IGDCC3: variants seen among roughly 807,000 people sequenced by gnomAD.
The protein encoded by IGDCC3 is immunoglobulin superfamily DCC subclass member 3, also known as putative neuronal cell adhesion molecule.
A neutral mutation model predicts 72.0 loss-of-function variants in IGDCC3; 47 were observed. The observed-to-expected ratio is 0.65, with a 90% CI of 0.52 to 0.83. The LOEUF is 0.83. Among genes scored for constraint, IGDCC3 ranks in the 40% least tolerant of loss-of-function variants. The probability of loss-of-function intolerance (pLI) is 0.00; values close to 1 mark genes in which losing one functional copy is unlikely to be tolerated. For synonymous variants in IGDCC3, 477 were observed against 472.8 expected, an observed-to-expected ratio of 1.01 and a Z score of -0.11; for missense variants, 1,038 against 1,091.3, an observed-to-expected ratio of 0.95 and a Z score of 0.69.
Position 65,328,586 on chromosome 15 carries a change from C to CTTTT in IGDCC3, c.*319_*322dup. ...ATTCACCTTCCTCTATCTCTCTCCT[C>CTTTT]TTTTTTTTTTTTTTTAAGTTTTGCT... On this transcript the variant is annotated 3_prime_UTR_variant, in exon 14 of 14. Transcript: ENST00000327987. 5.1e-6 allele frequency: 1 copy of CTTTT among 195,150 alleles called. No homozygotes were observed. The highest frequency in any genetic ancestry group is 1.0e-5 in the Non-Finnish European group (1 of 100,136). The allele number at this position is 195,150 out of a possible 1,614,324, so 12.1% of individuals were successfully genotyped here.
intron 2 of IGDCC3, among the ~76,000 whole-genome samples, chr15:65,340,887 C>T (rs998256733): frequency 6.6e-6 from 1 of 152,206 alleles, no homozygotes; most frequent in Admixed American, 6.5e-5. Context: ...CACCACCATG[C>T]CCAGCTAATT....
At chr15:65,343,375 A>G (rs2091098900) in intron 2 of IGDCC3, among the ~76,000 whole-genome samples, 1 of 149,334 alleles carries the variant, frequency 6.7e-6, no homozygotes, top group Admixed American at 6.7e-5. Flanking sequence ...AAGGGAGTAA[A>G]AACTGAATTT....
Position 65,331,570 on chromosome 15 carries a change from G to A in IGDCC3, c.1238C>T (p.Ala413Val), listed in dbSNP as rs1382823883. Residue 413 changes from alanine to valine, a missense_variant, in exon 8 of 14, where the codon GCC (alanine) becomes GTC (valine). Transcript: ENST00000327987. ...CTCAGCCCACAGTACGGTCAGCCTG[G>A]CACTGGCCTGTGATGAGCCCGCACT... ...ENSAGSSQAS[A>V]RLTVLWAEGL... 1.2e-6 allele frequency: 2 copies of A among 1,613,642 alleles called. No individual in the cohort carries two copies. The highest frequency in any genetic ancestry group is 1.7e-6 in the Non-Finnish European group (2 of 1,179,846).
chr15:65,365,956 C>G (rs1450351863), intron 2 of IGDCC3, among the ~76,000 whole-genome samples: 1 of 152,096 alleles, frequency 6.6e-6, no homozygotes, highest in Non-Finnish European at 1.5e-5. Context: ...GCCTGTAATC[C>G]CAGCACTTTG....
intron 7 of IGDCC3, 30 bp from the exon 8 acceptor site, chr15:65,331,689 C>T: frequency 6.4e-7 from 1 of 1,559,394 alleles, no homozygotes; most frequent in South Asian, 1.2e-5. Flanking sequence ...CCTCAGGTTC[C>T]CTCCTCCCTG....
Position 65,330,647 on chromosome 15 carries a change from G to A in IGDCC3, c.1656C>T (p.Gly552=), listed in dbSNP as rs141538048. 110 of 1,613,572 alleles carry A rather than the reference G, an allele frequency of 6.8e-5. No individual in the cohort carries two copies. The African/African-American group carries it at 9.3e-4, about 14-fold the overall frequency. ...EPWPRLAQHE[G]GFKLFYRPAS... is the part of the protein sequence containing the mutation. ...CTGGGCGGTAAAACAGCTTGAAGCC[G>A]CCCTCGTGCTGGGCCAGCCGGGGCC... Residue 552 remains glycine, a synonymous_variant, in exon 10 of 14, where the codon GGC becomes GGT. Coordinates refer to ENST00000327987, the MANE Select transcript of IGDCC3 (RefSeq NM_004884.4).
chr15:65,367,066 G>A (rs1264807451), intron 2 of IGDCC3, among the ~76,000 whole-genome samples: 1 of 152,142 alleles, frequency 6.6e-6, no homozygotes, highest in Non-Finnish European at 1.5e-5. Flanking sequence ...GGCCCAGGCC[G>A]GGTGCGGTGG....
Position 65,328,817 on chromosome 15 carries a change from A to C in IGDCC3, c.*92T>G. The C allele has an allele frequency of 6.9e-7, 1 of 1,449,650 alleles. No homozygotes were observed. The highest frequency in any genetic ancestry group is 9.2e-7 in the Non-Finnish European group (1 of 1,090,994). The allele number at this position is 1,449,650 out of a possible 1,614,324, so 89.8% of individuals were successfully genotyped here. Reference sequence around the variant, plus strand: ...ATAGAAATGCTGGGGAGCCCCCAGGACCATCCAAATCCCACATGACAGTAG... The same window carrying C: ...ATAGAAATGCTGGGGAGCCCCCAGGCCCATCCAAATCCCACATGACAGTAG... On this transcript the variant is annotated 3_prime_UTR_variant, in exon 14 of 14. Transcript: ENST00000327987.
At position 65,334,856 on chromosome 15, in the gene IGDCC3, G is replaced by C. The variant is rs1298483012; in HGVS notation, c.695C>G (p.Ser232Cys). ...GARLTVSGSG[S>C]GAYKEPAILV... ...GATGGCTGGCTCCTTGTAGGCCCCAGAGCCCGAGCCTGGGAGGAAGACGCC... is the reference window on the plus strand; with the variant it reads ...GATGGCTGGCTCCTTGTAGGCCCCACAGCCCGAGCCTGGGAGGAAGACGCC... Residue 232 changes from serine to cysteine, a missense_variant, in exon 5 of 14, where the codon TCT becomes TGT. By Grantham distance (112) the Ser-to-Cys change is moderately radical. Transcript: ENST00000327987. The C allele has an allele frequency of 2.5e-6, 4 of 1,611,508 alleles. No homozygotes were observed. The highest frequency in any genetic ancestry group is 1.3e-5 in the African/African-American group (1 of 74,792).
intron 2 of IGDCC3, among the ~76,000 whole-genome samples, chr15:65,372,455 C>T (rs746194477): frequency 3.9e-5 from 6 of 152,216 alleles, no homozygotes; most frequent in South Asian, 2.1e-4. Context: ...AATCAGCCCG[C>T]GGTGTAGCCA....
Position 65,330,577 on chromosome 15 carries a change from C to T in IGDCC3, c.1726G>A (p.Val576Ile), listed in dbSNP as rs746790782. 4.5e-5 allele frequency: 72 copies of T among 1,613,354 alleles called. No individual in the cohort carries two copies. Among genetic ancestry groups the T allele is most frequent in the Non-Finnish European group, 5.3e-5 (63 of 1,179,990 alleles). The part of the protein sequence containing the change: ...FTGPILLPGT[V>I]SSYNLSQLDP... ...AGCTGGCTGAGGTTGTAGGAGGAGA[C>T]GGTTCCAGGCAGCAGGATGGGGCCG... Residue 576 changes from valine to isoleucine, a missense_variant, in exon 10 of 14, where the codon GTC becomes ATC. Val to Ile is a conservative substitution (Grantham distance 29). Transcript: ENST00000327987.
chr15:65,331,521 A>G lies in IGDCC3; in HGVS notation c.1287T>C (p.Asn429=). 6.2e-7 allele frequency: 1 copy of G among 1,613,866 alleles called. No individual in the cohort carries two copies. The highest frequency in any genetic ancestry group is 8.5e-7 in the Non-Finnish European group (1 of 1,179,982). ...WAEGLPGPPR[N]VRAVSVSSTE... The stretch of plus-strand genomic sequence containing the variant: ...TGGAAGACACAGAGACTGCCCGCAC[A>G]TTGCGGGGAGGCCCGGGGAGCCCCT... The change falls in exon 8 of 14, where the codon AAT becomes AAC. Residue 429 remains asparagine, a synonymous_variant. Transcript: ENST00000327987.
rs181352579 is a variant in IGDCC3 at position 65,345,837 on chromosome 15, T to C, written c.410-9881A>G. On this transcript the variant is annotated intron_variant, in intron 2 of 13. Coordinates refer to ENST00000327987, the MANE Select transcript of IGDCC3 (RefSeq NM_004884.4). ...CTAAGGCTCAGACAGGCTAGGTAAC[T>C]TGCCCATGGTCACACAGCCAGTCCG... Among the ~76,000 whole-genome samples the C allele has an allele frequency of 2.8e-4, 43 of 152,296 alleles. No individual in the cohort carries two copies. In the East Asian group the frequency reaches 7.7e-3, roughly 27 times the overall value.
intron 2 of IGDCC3, among the ~76,000 whole-genome samples, chr15:65,341,105 C>T (rs80266685): frequency 0.13 from 19,716 of 152,100 alleles, 1,630 homozygotes; most frequent in African/African-American, 0.24. Flanking sequence ...CTGTAAGTAT[C>T]AAATACACAT....
intron 7 of IGDCC3, 112 bp downstream of exon 7, chr15:65,331,829 A>G (rs74662230): frequency 2.1e-6 from 3 of 1,421,398 alleles, no homozygotes; most frequent in South Asian, 2.6e-5. Context: ...CAGACTCCCA[A>G]TTCTGTGCTC....
chr15:65,348,829 T>G (rs1442259408), intron 2 of IGDCC3, among the ~76,000 whole-genome samples: 1 of 152,190 alleles, frequency 6.6e-6, no homozygotes, highest in Non-Finnish European at 1.5e-5. Flanking sequence ...TGCTTTGCAC[T>G]CTTTGCTGAT....
At chr15:65,370,718 A>G (rs2091321081) in intron 2 of IGDCC3, among the ~76,000 whole-genome samples, 1 of 149,546 alleles carries the variant, frequency 6.7e-6, no homozygotes, top group Admixed American at 6.7e-5. Flanking sequence ...CCTGCACATT[A>G]TCATAGGTAA....
chr15:65,362,185 C>G (rs144402735), intron 2 of IGDCC3, among the ~76,000 whole-genome samples: 1 of 151,694 alleles, frequency 6.6e-6, no homozygotes, highest in African/African-American at 2.4e-5. Flanking sequence ...GGGGTAGTGT[C>G]CGAGAACTTT....
chr15:65,377,553 G>GT lies in IGDCC3; in HGVS notation c.103+132dup, dbSNP rs2091366436. On this transcript the variant is annotated intron_variant, in intron 1 of 13. Transcript: ENST00000327987. The surrounding 1 kb of genome is among the most constrained non-coding windows in gnomAD (Gnocchi z 4.9). ...CCCTCTCCCCGTCCGGATCCGCAGG[G>GT]TCCCCCCCGCGCGGGGTCCGCCCTC... 1.1e-6 allele frequency: 1 copy of GT among 921,736 alleles called. No individual in the cohort carries two copies. 57.1% of individuals were successfully genotyped at this position (921,736 alleles called of 1,614,324 possible). A position where few individuals can be genotyped will look rare whatever the true frequency, so the allele number is the denominator to read the frequency against.
Sources: gnomAD v4.1 joint callset for allele counts (sites outside exome capture counted in the v4.1 genomes callset) on GRCh38, gnomAD v4.1.1 for gene constraint, Gnocchi (gnomAD v3.1) non-coding constraint, MANE v1.5 for transcripts, NCBI Gene and HGNC (gene_info 2026-07-23, HGNC 2026-07-21) for gene names.